The following SCIN variants were observed in gnomAD, a reference collection of about 807,000 sequenced individuals.
SCIN encodes scinderin, also known as adseverin.
A neutral mutation model predicts 91.8 loss-of-function variants in SCIN; 91 were observed. That is an observed-to-expected ratio of 0.99 (90% CI 0.84 to 1.18). SCIN has a LOEUF of 1.18. Among genes scored for constraint, SCIN ranks in the 50% most tolerant of loss-of-function variants. SCIN has a pLI of 0.00. For missense variants in SCIN, 1,087 were observed against 863.9 expected (o/e 1.26, Z -3.24); for synonymous variants, 367 against 312.6 (o/e 1.17, Z -1.84).
chr7:12,631,416 C>T (rs1015588894), intron 9 of SCIN, among the ~76,000 whole-genome samples: 4 of 152,076 alleles, frequency 2.6e-5, no homozygotes, highest in African/African-American at 9.7e-5. Flanking sequence ...TCCACCATAC[C>T]CCTAGGCTAT....
At position 12,651,667 on chromosome 7, in the gene SCIN, T is replaced by A. The variant is rs914912285; in HGVS notation, c.1960-174T>A. 3.3e-5 allele frequency among the ~76,000 whole-genome samples: 5 copies of A among 152,072 alleles called. No homozygotes were observed. Among genetic ancestry groups the A allele is most frequent in the Non-Finnish European group, 7.4e-5 (5 of 68,014 alleles). ...GTAGATTTAGGTGTCTCCTGATGAG[T>A]GTGAACACTGGGAAAGTGATGGTAC... On this transcript the variant is annotated intron_variant, in intron 14 of 15. Coordinates refer to ENST00000297029, the MANE Select transcript of SCIN (RefSeq NM_001112706.3). The surrounding 1 kb of genome is among the most constrained non-coding windows in gnomAD (Gnocchi z 5.9).
intron 3 of SCIN, among the ~76,000 whole-genome samples, chr7:12,588,642 T>C (rs1782641253): frequency 6.6e-6 from 1 of 151,774 alleles, no homozygotes. Context: ...GGTTACAATA[T>C]AGGAATTTAC....
chr7:12,598,812 G>A (rs1008031788), intron 3 of SCIN, among the ~76,000 whole-genome samples: 2 of 152,156 alleles, frequency 1.3e-5, no homozygotes, highest in Non-Finnish European at 2.9e-5. Context: ...AGAAGGCTGA[G>A]GCAGGAGGAT....
chr7:12,612,165 T>C (rs1400092915), intron 4 of SCIN, among the ~76,000 whole-genome samples: 1 of 152,198 alleles, frequency 6.6e-6, no homozygotes, highest in Non-Finnish European at 1.5e-5. Context: ...TATGACTTTT[T>C]GTAAGTCCTT....
intron 3 of SCIN, among the ~76,000 whole-genome samples, chr7:12,585,710 C>T (rs1020576680): frequency 6.6e-6 from 1 of 152,212 alleles, no homozygotes; most frequent in Admixed American, 6.5e-5. Context: ...AATTGCTATC[C>T]TAGCCTGTTC....
At chr7:12,598,588 G>C (rs1009974301) in intron 3 of SCIN, among the ~76,000 whole-genome samples, 4 of 152,116 alleles carry the variant, frequency 2.6e-5, no homozygotes, top group Admixed American at 2.0e-4. Flanking sequence ...CATTTAATTA[G>C]ATTGAATAAA....
At chr7:12,579,861 G>A (rs1452701580) in intron 2 of SCIN, among the ~76,000 whole-genome samples, 1 of 152,144 alleles carries the variant, frequency 6.6e-6, no homozygotes, top group Non-Finnish European at 1.5e-5. Flanking sequence ...TTGCAGTGAG[G>A]CGAGGTCATG....
Position 12,651,940 on chromosome 7 carries a change from CA to C in SCIN, c.2020+40del. 3.6e-6 allele frequency: 5 copies of C among 1,402,050 alleles called. No homozygotes were observed. The highest frequency in any genetic ancestry group is 4.0e-6 in the Non-Finnish European group (4 of 1,001,020). 86.9% of individuals were successfully genotyped at this position (1,402,050 alleles called of 1,614,324 possible). A position where few individuals can be genotyped will look rare whatever the true frequency, so the allele number is the denominator to read the frequency against. On this transcript the variant is annotated intron_variant, in intron 15 of 15. Transcript: ENST00000297029. The surrounding 1 kb of genome is among the most constrained non-coding windows in gnomAD (Gnocchi z 5.9). ...ATGGACCATTATAGCAGTAACCGGG[CA>C]CCATTATGACCGAGTGTCTGGCTTG...
intron 4 of SCIN, among the ~76,000 whole-genome samples, chr7:12,611,653 A>T (rs985963631): frequency 6.6e-6 from 1 of 152,222 alleles, no homozygotes; most frequent in Non-Finnish European, 1.5e-5. Context: ...AAGTACTAGT[A>T]ATTGAAATGG....
Position 12,651,818 on chromosome 7 carries a change from ATTG to A in SCIN, c.1960-20_1960-18del. On this transcript the variant is annotated intron_variant, in intron 14 of 15. Transcript: ENST00000297029. The surrounding 1 kb of genome is among the most constrained non-coding windows in gnomAD (Gnocchi z 5.9). ...AGTCAACATCCCAGAAATCATACAT[ATTG>A]TTATTGTTTCATTTTTCAGATATTT... The A allele has an allele frequency of 6.8e-7, 1 of 1,461,560 alleles. No individual in the cohort carries two copies. Among genetic ancestry groups the A allele is most frequent in the Non-Finnish European group, 9.5e-7 (1 of 1,056,220 alleles). The allele number at this position is 1,461,560 out of a possible 1,614,324, so 90.5% of individuals were successfully genotyped here.
At chr7:12,610,351 G>A (rs1562613673) in intron 4 of SCIN, among the ~76,000 whole-genome samples, 1 of 152,166 alleles carries the variant, frequency 6.6e-6, no homozygotes, top group African/African-American at 2.4e-5. Flanking sequence ...TTATCTTTTA[G>A]AGATGTACTC....
Position 12,608,321 on chromosome 7 carries a change from G to GCACACACACA in SCIN, c.666+3677_666+3686dup, listed in dbSNP as rs35120183. On this transcript the variant is annotated intron_variant, in intron 4 of 15. Transcript: ENST00000297029. ...CAGTCTATACTATGCATGCACACAT[G>GCACACACACA]CACACACACACACACACACACACAC... 3.3e-3 allele frequency among the ~76,000 whole-genome samples: 494 copies of GCACACACACA among 148,770 alleles called. 2 individuals carry two copies. Among genetic ancestry groups the GCACACACACA allele is most frequent in the African/African-American group, 6.1e-3 (246 of 40,370 alleles).
Position 12,651,794 on chromosome 7 carries a change from G to T in SCIN, c.1960-47G>T. On this transcript the variant is annotated intron_variant, in intron 14 of 15. Transcript: ENST00000297029. This position sits in a 1 kb window ranked among gnomAD's most constrained non-coding sequence, Gnocchi z 5.9. ...CACTTTACATAGGGCCTAGCACTGA[G>T]TCAACATCCCAGAAATCATACATAT... The T allele has an allele frequency of 9.5e-6, 12 of 1,269,638 alleles. No individual in the cohort carries two copies. The highest frequency in any genetic ancestry group is 1.4e-5 in the Non-Finnish European group (12 of 888,014). 78.6% of individuals were successfully genotyped at this position (1,269,638 alleles called of 1,614,324 possible).
chr7:12,649,223 C>A (rs555199093), intron 13 of SCIN, among the ~76,000 whole-genome samples: 1 of 152,124 alleles, frequency 6.6e-6, no homozygotes, highest in Non-Finnish European at 1.5e-5. Flanking sequence ...TTATATTTGA[C>A]TTATTTAATT....
chr7:12,578,470 TAA>T (rs1271721825), intron 2 of SCIN, among the ~76,000 whole-genome samples: 1 of 152,176 alleles, frequency 6.6e-6, no homozygotes, highest in African/African-American at 2.4e-5. Context: ...GTTAATTTTT[TAA>T]AAGAGCTTTC....
intron 4 of SCIN, among the ~76,000 whole-genome samples, chr7:12,610,689 A>T (rs1276659539): frequency 1.3e-5 from 2 of 152,178 alleles, no homozygotes; most frequent in Non-Finnish European, 2.9e-5. Context: ...AAGTTTTAAG[A>T]CCAACTAGAT....
rs534955969 is a variant in SCIN at position 12,651,659 on chromosome 7, C to T, written c.1960-182C>T. 1.3e-5 allele frequency among the ~76,000 whole-genome samples: 2 copies of T among 152,174 alleles called. No individual in the cohort carries two copies. Among genetic ancestry groups the T allele is most frequent in the African/African-American group, 4.8e-5 (2 of 41,514 alleles). On this transcript the variant is annotated intron_variant, in intron 14 of 15. Coordinates refer to ENST00000297029, the MANE Select transcript of SCIN (RefSeq NM_001112706.3). This position sits in a 1 kb window ranked among gnomAD's most constrained non-coding sequence, Gnocchi z 5.9. ...GGCTGGATGTAGATTTAGGTGTCTCCTGATGAGTGTGAACACTGGGAAAGT... is the reference window on the plus strand; with the variant it reads ...GGCTGGATGTAGATTTAGGTGTCTCTTGATGAGTGTGAACACTGGGAAAGT...
At position 12,651,131 on chromosome 7, in the gene SCIN, A is replaced by G. The variant is rs1784070655; in HGVS notation, c.1960-710A>G. On this transcript the variant is annotated intron_variant, in intron 14 of 15. Coordinates refer to ENST00000297029, the MANE Select transcript of SCIN (RefSeq NM_001112706.3). The surrounding 1 kb of genome is among the most constrained non-coding windows in gnomAD (Gnocchi z 5.9). ...GCTGGATGGTTGATGCTTTTCTACCATTTTGAAGTTACAGAAAGAATGGGG... is the reference window on the plus strand; with the variant it reads ...GCTGGATGGTTGATGCTTTTCTACCGTTTTGAAGTTACAGAAAGAATGGGG... 6.6e-6 allele frequency among the ~76,000 whole-genome samples: 1 copy of G among 152,222 alleles called. No individual in the cohort carries two copies. Among genetic ancestry groups the G allele is most frequent in the Non-Finnish European group, 1.5e-5 (1 of 68,040 alleles).
intron 3 of SCIN, among the ~76,000 whole-genome samples, chr7:12,583,751 G>A (rs932499458): frequency 1.5e-4 from 23 of 152,068 alleles, no homozygotes; most frequent in Admixed American, 1.5e-3. Context: ...TCTTCCCATA[G>A]TCAACCTGTG....
Sources: allele counts gnomAD v4.1 joint callset (sites outside exome capture counted in the v4.1 genomes callset), GRCh38; gene constraint gnomAD v4.1.1; non-coding constraint Gnocchi (gnomAD v3.1); transcripts MANE v1.5; gene names NCBI Gene and HGNC (gene_info 2026-07-23, HGNC 2026-07-21).